The following ARHGAP42 variants were observed in gnomAD, a reference collection of about 807,000 sequenced individuals.
ARHGAP42 encodes the protein Rho GTPase activating protein 42.
Under a neutral mutation model 125.0 loss-of-function variants are expected in ARHGAP42, and 63 were observed. The observed-to-expected ratio is 0.50, with a 90% confidence interval of 0.41 to 0.62. The LOEUF (loss-of-function observed/expected upper bound fraction) is 0.62, where lower values mean the gene tolerates loss of function less well. Among genes scored for constraint, ARHGAP42 ranks in the 20% least tolerant of loss-of-function variants. The pLI, the probability that ARHGAP42 is intolerant of heterozygous loss-of-function variation, is 0.00. For synonymous variants in ARHGAP42, 339 were observed against 351.0 expected (o/e 0.97, Z 0.38); for missense variants, 766 against 1,024.2 (o/e 0.75, Z 3.44).
At chr11:100,789,929 A>G (rs549113020) in intron 2 of ARHGAP42, among the ~76,000 whole-genome samples, 49 of 152,340 alleles carry the variant, frequency 3.2e-4, no homozygotes, top group Non-Finnish European at 5.4e-4. Context: ...TGATTATGAT[A>G]TAAATGTTAA....
Position 100,875,150 on chromosome 11 carries a change from TGTGG to T in ARHGAP42, c.384+15526_384+15529del, listed in dbSNP as rs1220987215. Among the ~76,000 whole-genome samples, 803 of 136,874 alleles carry T rather than the reference TGTGG, an allele frequency of 5.9e-3. 8 individuals carry two copies. Among genetic ancestry groups the T allele is most frequent in the African/African-American group, 0.021 (753 of 36,026 alleles). 89.8% of individuals were successfully genotyped at this position (136,874 alleles called of 152,430 possible). ...GTGTGTGTGTGTGTGTGTGTGTGTG[TGTGG>T]CTCATGAACTATGAATGGTTGTTAC... On this transcript the variant is annotated intron_variant, in intron 4 of 23. Transcript: ENST00000298815.
chr11:100,902,777 T>G (rs1209350253), intron 4 of ARHGAP42, among the ~76,000 whole-genome samples: 1 of 152,024 alleles, frequency 6.6e-6, no homozygotes, highest in African/African-American at 2.4e-5. Flanking sequence ...GTCTAGACAA[T>G]GGATGGAGTA....
At chr11:100,919,846 T>A (rs1365292928) in intron 5 of ARHGAP42, among the ~76,000 whole-genome samples, 1 of 152,188 alleles carries the variant, frequency 6.6e-6, no homozygotes, top group Non-Finnish European at 1.5e-5. Context: ...TGCGTCTCTT[T>A]CCAGCTTCCA....
At chr11:100,864,815 A>G (rs993406931) in intron 4 of ARHGAP42, among the ~76,000 whole-genome samples, 3 of 152,140 alleles carry the variant, frequency 2.0e-5, no homozygotes, top group African/African-American at 7.2e-5. Flanking sequence ...ATATGCCCAA[A>G]CTTACCCCTT....
intron 2 of ARHGAP42, among the ~76,000 whole-genome samples, chr11:100,780,730 T>G (rs770264021): frequency 6.6e-6 from 1 of 152,242 alleles, no homozygotes; most frequent in Non-Finnish European, 1.5e-5. Flanking sequence ...ATTTATTCAG[T>G]AAATACTTAA....
chr11:100,904,033 G>A (rs960034186), intron 4 of ARHGAP42, among the ~76,000 whole-genome samples: 1 of 151,738 alleles, frequency 6.6e-6, no homozygotes, highest in South Asian at 2.1e-4. Context: ...GCCTTCCCCA[G>A]CCCACTGACT....
At chr11:100,921,149 C>T (rs536030028) in intron 5 of ARHGAP42, among the ~76,000 whole-genome samples, 9 of 139,706 alleles carry the variant, frequency 6.4e-5, no homozygotes, top group Admixed American at 1.5e-4. Flanking sequence ...TGAATTTTAT[C>T]CATCTTTCTA....
intron 1 of ARHGAP42, among the ~76,000 whole-genome samples, chr11:100,690,277 A>G (rs1861164591): frequency 6.6e-6 from 1 of 152,172 alleles, no homozygotes; most frequent in South Asian, 2.1e-4. Flanking sequence ...TTTTATTAAT[A>G]ATTAATGCAT....
At chr11:100,690,593 T>G (rs1861171372) in intron 1 of ARHGAP42, among the ~76,000 whole-genome samples, 1 of 152,104 alleles carries the variant, frequency 6.6e-6, no homozygotes, top group Admixed American at 6.5e-5. Flanking sequence ...ATATTTTTAT[T>G]TTATTTATTT....
At chr11:100,954,363 T>G (rs1857746610) in intron 12 of ARHGAP42, among the ~76,000 whole-genome samples, 1 of 152,196 alleles carries the variant, frequency 6.6e-6, no homozygotes. Flanking sequence ...AAAGTCAATA[T>G]TTATGTGTGT....
chr11:100,926,175 A>G (rs1565279149), intron 6 of ARHGAP42, among the ~76,000 whole-genome samples: 1 of 152,142 alleles, frequency 6.6e-6, no homozygotes, highest in Admixed American at 6.5e-5. Context: ...CTTTGAGCCT[A>G]CTTAGTTGGA....
intron 4 of ARHGAP42, among the ~76,000 whole-genome samples, chr11:100,865,271 AT>A (rs1344605792): frequency 1.9e-4 from 29 of 152,322 alleles, no homozygotes; most frequent in African/African-American, 6.5e-4. Flanking sequence ...ATCCAAAAAA[AT>A]CTATATATAG....
intron 1 of ARHGAP42, among the ~76,000 whole-genome samples, chr11:100,711,545 A>G (rs1288825713): frequency 6.6e-6 from 1 of 152,008 alleles, no homozygotes. Context: ...TTCTTTAGAC[A>G]TGATGTCTCA....
intron 1 of ARHGAP42, among the ~76,000 whole-genome samples, chr11:100,728,713 CGTATATATATATATATAT>C (rs1483965369): frequency 0.06 from 5,670 of 95,294 alleles, 277 homozygotes; most frequent in Middle Eastern, 0.11. Flanking sequence ...AATGACTTTG[CGTATATATATATATATAT>C]ATATATATAT....
intron 3 of ARHGAP42, among the ~76,000 whole-genome samples, chr11:100,827,202 A>G (rs990626199): frequency 6.6e-6 from 1 of 151,738 alleles, no homozygotes; most frequent in Non-Finnish European, 1.5e-5. Flanking sequence ...GGGGTTTCAC[A>G]ATGTTGGCCA....
intron 1 of ARHGAP42, among the ~76,000 whole-genome samples, chr11:100,743,109 T>G (rs564140654): frequency 6.6e-6 from 1 of 152,338 alleles, no homozygotes; most frequent in East Asian, 1.9e-4. Flanking sequence ...CCAATTATCA[T>G]GTTAAGTGTT....
At chr11:100,978,614 G>A (rs1591336776) in intron 21 of ARHGAP42, among the ~76,000 whole-genome samples, 1 of 152,102 alleles carries the variant, frequency 6.6e-6, no homozygotes, top group African/African-American at 2.4e-5. Flanking sequence ...CAGTTCTTTT[G>A]TCATGTTGAT....
At chr11:100,934,162 CAT>C (rs1195928466) in intron 7 of ARHGAP42, among the ~76,000 whole-genome samples, 1 of 152,100 alleles carries the variant, frequency 6.6e-6, no homozygotes, top group East Asian at 1.9e-4. Context: ...ACAAAGATCT[CAT>C]CTTTCTCTGA....
intron 4 of ARHGAP42, among the ~76,000 whole-genome samples, chr11:100,904,656 T>A (rs1281792605): frequency 6.6e-6 from 1 of 152,092 alleles, no homozygotes; most frequent in Admixed American, 6.6e-5. Flanking sequence ...CTCCCCACCT[T>A]TTTTTTGGAG....
Sources: gnomAD v4.1 joint callset for allele counts (sites outside exome capture counted in the v4.1 genomes callset) on GRCh38, gnomAD v4.1.1 for gene constraint, MANE v1.5 for transcripts, NCBI Gene and HGNC (gene_info 2026-07-23, HGNC 2026-07-21) for gene names.